Variants in HTR1E observed in about 807,000 individuals in gnomAD.
HTR1E encodes the protein 5-hydroxytryptamine receptor 1E.
In HTR1E, 3 loss-of-function variants were observed where a neutral mutation model predicts 3.4. The ratio of observed to expected loss-of-function variants is 0.89; its 90% CI spans 0.41 to 2.31. The LOEUF is 2.31. Among genes scored for constraint, HTR1E ranks in the 30% most tolerant of loss-of-function variants. The pLI is 0.05. For synonymous variants in HTR1E, 170 were observed against 182.8 expected (o/e 0.93, Z 0.56); for missense variants, 392 against 467.0 (o/e 0.84, Z 1.48).
chr6:86,964,844 G>T (rs1767453371), intron 1 of HTR1E, among the ~76,000 whole-genome samples: 1 of 151,996 alleles, frequency 6.6e-6, no homozygotes, highest in African/African-American at 2.4e-5. Context: ...ATTATAACTT[G>T]CACATAAAAT....
At chr6:87,010,845 C>T (rs528716973) in intron 1 of HTR1E, among the ~76,000 whole-genome samples, 5 of 152,198 alleles carry the variant, frequency 3.3e-5, no homozygotes, top group African/African-American at 9.6e-5. Context: ...CTCCTCCAGC[C>T]GCTGCCTCCC....
chr6:86,961,331 T>C (rs548640766), intron 1 of HTR1E, among the ~76,000 whole-genome samples: 1 of 152,330 alleles, frequency 6.6e-6, no homozygotes, highest in South Asian at 2.1e-4. Context: ...AAAGAAAATA[T>C]ATGTTCATAA....
At chr6:86,953,175 G>A (rs927075815) in intron 1 of HTR1E, among the ~76,000 whole-genome samples, 2 of 152,096 alleles carry the variant, frequency 1.3e-5, no homozygotes, top group Non-Finnish European at 2.9e-5. Flanking sequence ...AACATACACA[G>A]ATACAAAACC....
chr6:86,977,143 A>C (rs1225752299), intron 1 of HTR1E, among the ~76,000 whole-genome samples: 1 of 152,054 alleles, frequency 6.6e-6, no homozygotes, highest in Non-Finnish European at 1.5e-5. Flanking sequence ...TCAGGGAGTA[A>C]GCTTAGTACC....
intron 1 of HTR1E, among the ~76,000 whole-genome samples, chr6:86,977,400 T>C (rs1209089193): frequency 6.6e-6 from 1 of 152,228 alleles, no homozygotes; most frequent in Non-Finnish European, 1.5e-5. Context: ...ATTCCCTGTA[T>C]ATGTAACACA....
chr6:87,013,787 A>C (rs1019445534), intron 1 of HTR1E, among the ~76,000 whole-genome samples: 2 of 152,162 alleles, frequency 1.3e-5, no homozygotes, highest in Admixed American at 1.3e-4. Context: ...GATTTGAACA[A>C]ATTTATAGGA....
chr6:86,961,788 T>C (rs1767411690), intron 1 of HTR1E, among the ~76,000 whole-genome samples: 1 of 152,214 alleles, frequency 6.6e-6, no homozygotes, highest in African/African-American at 2.4e-5. Flanking sequence ...CACACAAAAA[T>C]GCATGCCTAG....
Position 87,007,340 on chromosome 6 carries a change from G to C in HTR1E, c.-185-7810G>C, listed in dbSNP as rs182119812. Among the ~76,000 whole-genome samples, 164 of 152,264 alleles carry C rather than the reference G, an allele frequency of 1.1e-3. 1 individual carries two copies. Among genetic ancestry groups the C allele is most frequent in the African/African-American group, 3.9e-3 (160 of 41,540 alleles). ...CAGAGGCTGGGAAGGGTAGTTGCAG[G>C]GGGTGGAGAGAATGGGGATGGTTAA... On this transcript the variant is annotated intron_variant, in intron 1 of 1. Coordinates refer to ENST00000305344, the MANE Select transcript of HTR1E (RefSeq NM_000865.3).
intron 1 of HTR1E, among the ~76,000 whole-genome samples, chr6:87,009,648 G>C (rs1768171547): frequency 6.8e-6 from 1 of 147,188 alleles, no homozygotes. Flanking sequence ...CCGGGCAGAG[G>C]CGCCCCTCAC....
intron 1 of HTR1E, among the ~76,000 whole-genome samples, chr6:87,008,100 ATG>A (rs541433932): frequency 1.3e-5 from 2 of 152,222 alleles, no homozygotes; most frequent in Non-Finnish European, 2.9e-5. Flanking sequence ...AGATTATAAA[ATG>A]GTAATGTTTT....
At chr6:86,959,787 A>G (rs1280372429) in intron 1 of HTR1E, among the ~76,000 whole-genome samples, 1 of 152,180 alleles carries the variant, frequency 6.6e-6, no homozygotes, top group Admixed American at 6.5e-5. Context: ...TTATGCAAGT[A>G]TCAGAAGATC....
chr6:87,014,778 G>C (rs1768292014), intron 1 of HTR1E, among the ~76,000 whole-genome samples: 1 of 152,128 alleles, frequency 6.6e-6, no homozygotes, highest in African/African-American at 2.4e-5. Flanking sequence ...CACAGGGCCG[G>C]GAACATGACA....
chr6:86,946,590 G>C (rs1015246745), intron 1 of HTR1E, among the ~76,000 whole-genome samples: 1 of 152,168 alleles, frequency 6.6e-6, no homozygotes, highest in Admixed American at 6.5e-5. Context: ...TGGTCATAAT[G>C]ACAATGATGA....
At chr6:86,979,674 TC>T (rs1310158078) in intron 1 of HTR1E, among the ~76,000 whole-genome samples, 1 of 152,072 alleles carries the variant, frequency 6.6e-6, no homozygotes, top group African/African-American at 2.4e-5. Flanking sequence ...CATGCCTGGA[TC>T]AATCAAAGTA....
At chr6:86,978,702 A>G (rs187443729) in intron 1 of HTR1E, among the ~76,000 whole-genome samples, 8 of 152,342 alleles carry the variant, frequency 5.3e-5, no homozygotes, top group Admixed American at 1.3e-4. Context: ...TGAAATTGCA[A>G]GCAGACATGC....
rs1335286540 is a variant in HTR1E at position 87,015,534 on chromosome 6, CG to C, written c.202del (p.Asp68ThrfsTer11). On this transcript the variant is annotated frameshift_variant, in exon 2 of 2. Transcript: ENST00000305344. LOFTEE classifies it low-confidence loss of function (END_TRUNC). Reference protein sequence around the residue: ...ANYLICSLAVTDLLVAVLVMP... With the variant: ...ANYLICSLAVXDLLVAVLVMP... ...TACCTAATCTGTTCTCTGGCCGTGA[CG>C]GACCTCCTGGTGGCAGTGCTCGTCA... 6.2e-7 allele frequency: 1 copy of C among 1,612,634 alleles called. No individual in the cohort carries two copies. Among genetic ancestry groups the C allele is most frequent in the Non-Finnish European group, 8.5e-7 (1 of 1,179,052 alleles).
chr6:86,985,126 G>A (rs55636415), intron 1 of HTR1E, among the ~76,000 whole-genome samples: 7 of 152,146 alleles, frequency 4.6e-5, no homozygotes, highest in African/African-American at 7.2e-5. Flanking sequence ...AACATCTACC[G>A]GCTGGCACTT....
At chr6:86,945,905 A>G (rs962862075) in intron 1 of HTR1E, among the ~76,000 whole-genome samples, 2 of 151,846 alleles carry the variant, frequency 1.3e-5, no homozygotes, top group African/African-American at 4.8e-5. Flanking sequence ...TGCCCAGCTA[A>G]ATTTTGTATT....
chr6:86,988,016 T>C (rs1298774668), intron 1 of HTR1E, among the ~76,000 whole-genome samples: 1 of 152,160 alleles, frequency 6.6e-6, no homozygotes, highest in Admixed American at 6.6e-5. Context: ...AGCACAGGTA[T>C]CCATATTATC....
Sources: gnomAD v4.1 joint callset for allele counts (sites outside exome capture counted in the v4.1 genomes callset) on GRCh38, gnomAD v4.1.1 for gene constraint, MANE v1.5 for transcripts, NCBI Gene and HGNC (gene_info 2026-07-23, HGNC 2026-07-21) for gene names.